Variants in PDE9A observed in about 807,000 individuals in gnomAD.
The protein encoded by PDE9A is high affinity cGMP-specific 3',5'-cyclic phosphodiesterase 9A.
In PDE9A, 60 loss-of-function variants were observed where a neutral mutation model predicts 87.4. The ratio of observed to expected loss-of-function variants is 0.69; its 90% CI spans 0.56 to 0.85. PDE9A has a LOEUF of 0.85. Among genes scored for constraint, PDE9A ranks in the 40% least tolerant of loss-of-function variants. PDE9A has a pLI of 0.00. For missense variants in PDE9A, 665 were observed against 779.0 expected (o/e 0.85, Z 1.74); for synonymous variants, 272 against 279.4 (o/e 0.97, Z 0.27).
chr21:42,722,167 G>A lies in PDE9A; in HGVS notation c.263-9603G>A, dbSNP rs747866147. Among the ~76,000 whole-genome samples the A allele has an allele frequency of 2.6e-5, 4 of 151,868 alleles. No homozygotes were observed. Among genetic ancestry groups the A allele is most frequent in the African/African-American group, 9.7e-5 (4 of 41,318 alleles). On this transcript the variant is annotated intron_variant, in intron 4 of 19. Transcript: ENST00000291539. This position sits in a 1 kb window ranked among gnomAD's most constrained non-coding sequence, Gnocchi z 4.1. ...ATTTTTTTGTATTTTTAGTAGAGAC[G>A]GAGTTTCACCATGTTGGCCAGGATG...
chr21:42,715,446 G>T (rs547985350), intron 4 of PDE9A, among the ~76,000 whole-genome samples: 8 of 147,192 alleles, frequency 5.4e-5, no homozygotes, highest in South Asian at 4.5e-4. Flanking sequence ...GGCCAACATG[G>T]TGAAACCCTG....
rs1288469479 is a variant in PDE9A at position 42,704,967 on chromosome 21, C to T, written c.262+5956C>T. Among the ~76,000 whole-genome samples, 2 of 152,196 alleles carry T rather than the reference C, an allele frequency of 1.3e-5. No homozygotes were observed. Among genetic ancestry groups the T allele is most frequent in the East Asian group, 3.8e-4 (2 of 5,196 alleles). ...GTAAAGAGAAGAGTATTATCAAAAA[C>T]GTGACTTTTCATAGAAAAGGGAGAA... On this transcript the variant is annotated intron_variant, in intron 4 of 19. Coordinates refer to ENST00000291539, the MANE Select transcript of PDE9A (RefSeq NM_002606.3). This position sits in a 1 kb window ranked among gnomAD's most constrained non-coding sequence, Gnocchi z 5.3.
intron 4 of PDE9A, among the ~76,000 whole-genome samples, chr21:42,714,732 A>C (rs370626655): frequency 0.031 from 3,617 of 116,656 alleles, no homozygotes; most frequent in Middle Eastern, 0.067. Flanking sequence ...GGTTAGCTCT[A>C]CCAGTCTTTG....
Position 42,717,119 on chromosome 21 carries a change from A to C in PDE9A, c.263-14651A>C, listed in dbSNP as rs189573689. On this transcript the variant is annotated intron_variant, in intron 4 of 19. Transcript: ENST00000291539. ...AGAAATTATGAAAATAAACTTCCAG[A>C]TAGTTTTTTAATAGTTGCCTATATA... Among the ~76,000 whole-genome samples, 572 of 151,412 alleles carry C rather than the reference A, an allele frequency of 3.8e-3. 3 individuals are homozygous for C. The highest frequency in any genetic ancestry group is 0.013 in the African/African-American group (544 of 41,434).
intron 8 of PDE9A, among the ~76,000 whole-genome samples, chr21:42,748,890 A>G (rs2054152520): frequency 6.6e-6 from 1 of 152,176 alleles, no homozygotes; most frequent in African/African-American, 2.4e-5. Context: ...ACTTGCTTTC[A>G]GTACATACTG....
intron 6 of PDE9A, among the ~76,000 whole-genome samples, chr21:42,732,702 G>A (rs1031469374): frequency 1.3e-5 from 2 of 152,116 alleles, no homozygotes; most frequent in Non-Finnish European, 2.9e-5. Flanking sequence ...ATCACCTGAG[G>A]TCGGGAGTTC....
chr21:42,772,263 G>C (rs966212503), intron 18 of PDE9A, among the ~76,000 whole-genome samples, 176 bp from the exon 19 acceptor site: 1 of 152,228 alleles, frequency 6.6e-6, no homozygotes, highest in African/African-American at 2.4e-5. Context: ...GCGGGACAGG[G>C]TATGCAGAGC....
At chr21:42,673,125 G>A (rs992997337) in intron 1 of PDE9A, among the ~76,000 whole-genome samples, 4 of 152,180 alleles carry the variant, frequency 2.6e-5, no homozygotes, top group Non-Finnish European at 5.9e-5. Flanking sequence ...TGTGGGCGAG[G>A]TAGGATTTGT....
chr21:42,726,624 A>ATATTTTTTT, intron 4 of PDE9A, among the ~76,000 whole-genome samples: 26 of 19,782 alleles, frequency 1.3e-3, no homozygotes, highest in East Asian at 0.013. Context: ...ATATATATAT[A>ATATTTTTTT]TTTTTTTTTT....
chr21:42,749,892 C>T (rs1291448604), intron 8 of PDE9A, among the ~76,000 whole-genome samples: 4 of 152,272 alleles, frequency 2.6e-5, no homozygotes, highest in East Asian at 1.9e-4. Flanking sequence ...AATCCCAACA[C>T]TTTGGGAGGC....
Position 42,699,053 on chromosome 21 carries a change from A to G in PDE9A, c.262+42A>G, listed in dbSNP as rs201170313. The G allele has an allele frequency of 3.7e-6, 5 of 1,343,084 alleles. No homozygotes were observed. In the East Asian group the frequency reaches 6.9e-5, roughly 18 times the overall value. The allele number at this position is 1,343,084 out of a possible 1,614,324, so 83.2% of individuals were successfully genotyped here. On this transcript the variant is annotated intron_variant, in intron 4 of 19. Coordinates refer to ENST00000291539, the MANE Select transcript of PDE9A (RefSeq NM_002606.3). ...GTTTTTTAAACTAAAAGAAGGAAAA[A>G]GAAATCTTGAGCTTGCCCCTGTGAT...
In PDE9A at chr21:42,733,439, T is replaced by G; in HGVS notation, c.568+13T>G. 1 of 1,548,374 alleles carries G rather than the reference T, an allele frequency of 6.5e-7. No homozygotes were observed. The highest frequency in any genetic ancestry group is 8.9e-7 in the Non-Finnish European group (1 of 1,120,168). On this transcript the variant is annotated intron_variant, in intron 7 of 19. Coordinates refer to ENST00000291539, the MANE Select transcript of PDE9A (RefSeq NM_002606.3). ...AAACGCGTGGAATGTGAGTGACGTT[T>G]CTGTTTCCTTTTTGCTTCTCTGTCC...
At chr21:42,709,943 T>G (rs1270635637) in intron 4 of PDE9A, among the ~76,000 whole-genome samples, 2 of 152,234 alleles carry the variant, frequency 1.3e-5, no homozygotes, top group Non-Finnish European at 2.9e-5. Flanking sequence ...CATTCATTCT[T>G]CTGTGGAGGG....
intron 1 of PDE9A, among the ~76,000 whole-genome samples, chr21:42,685,072 GAA>G (rs2059375480): frequency 6.6e-6 from 1 of 152,190 alleles, no homozygotes; most frequent in South Asian, 2.1e-4. Flanking sequence ...GTGCTGGAAA[GAA>G]AAGCTGCGTT....
At chr21:42,725,838 G>C (rs149809648) in intron 4 of PDE9A, among the ~76,000 whole-genome samples, 3 of 152,136 alleles carry the variant, frequency 2.0e-5, no homozygotes, top group Non-Finnish European at 4.4e-5. Context: ...TCAGTTCTCC[G>C]CGTACATCAT....
At chr21:42,728,797 C>T (rs1942060796) in intron 4 of PDE9A, among the ~76,000 whole-genome samples, 2 of 152,116 alleles carry the variant, frequency 1.3e-5, no homozygotes, top group Middle Eastern at 3.4e-3. Context: ...GCCAGGAGTT[C>T]AAGACCAGCC....
intron 14 of PDE9A, among the ~76,000 whole-genome samples, chr21:42,764,271 G>A (rs767246186): frequency 5.3e-5 from 8 of 152,304 alleles, no homozygotes; most frequent in Non-Finnish European, 8.8e-5. Context: ...TTGAATCACT[G>A]GTTCCCAGTA....
intron 3 of PDE9A, among the ~76,000 whole-genome samples, chr21:42,690,424 C>T (rs1569153919): frequency 6.6e-6 from 1 of 152,034 alleles, no homozygotes; most frequent in Non-Finnish European, 1.5e-5. Flanking sequence ...GATAATGTGG[C>T]TCTGGACGTA....
At chr21:42,746,130 C>A (rs2053823044) in intron 8 of PDE9A, among the ~76,000 whole-genome samples, 1 of 152,218 alleles carries the variant, frequency 6.6e-6, no homozygotes, top group South Asian at 2.1e-4. Flanking sequence ...CTTGCCTCTG[C>A]CGTGCCTGAT....
Sources: allele counts gnomAD v4.1 joint callset (sites outside exome capture counted in the v4.1 genomes callset), GRCh38; gene constraint gnomAD v4.1.1; non-coding constraint Gnocchi (gnomAD v3.1); transcripts MANE v1.5; gene names NCBI Gene and HGNC (gene_info 2026-07-23, HGNC 2026-07-21).